The following PDE11A variants were observed in gnomAD, a reference collection of about 807,000 sequenced individuals.
The protein encoded by PDE11A is dual 3',5'-cyclic-AMP and -GMP phosphodiesterase 11A.
Under a neutral mutation model 100.5 loss-of-function variants are expected in PDE11A, and 100 were observed. That is an observed-to-expected ratio of 1.00 (90% CI 0.85 to 1.18). PDE11A has a LOEUF of 1.18. Ranked by LOEUF, PDE11A falls within the 50% of genes most tolerant of loss-of-function variation. The pLI, the probability that PDE11A is intolerant of heterozygous loss-of-function variation, is 0.00. For missense variants in PDE11A, 1,141 were observed against 1,152.6 expected (o/e 0.99, Z 0.15); for synonymous variants, 381 against 420.8 (o/e 0.91, Z 1.16).
At chr2:177,961,869 T>C (rs2085637603) in intron 2 of PDE11A, among the ~76,000 whole-genome samples, 1 of 151,892 alleles carries the variant, frequency 6.6e-6, no homozygotes, top group South Asian at 2.1e-4. Flanking sequence ...AAGACCAGCC[T>C]GGCCAAATGA....
chr2:177,701,507 A>C (rs552903330), intron 13 of PDE11A, among the ~76,000 whole-genome samples: 1 of 152,324 alleles, frequency 6.6e-6, no homozygotes, highest in East Asian at 1.9e-4. Flanking sequence ...AAGAAAGATG[A>C]GATGAGATAA....
rs539849333 is a variant in PDE11A, at chr2:177,675,519, C to G, written c.2424-1G>C. 464 of 1,612,860 alleles carry G rather than the reference C, an allele frequency of 2.9e-4. 11 individuals carry two copies. In the South Asian group the frequency reaches 4.9e-3, roughly 17 times the overall value. ...GTCACAGGCTGTCATTAACATTGAT[C>G]TGAAAAACAGAACCAAACAAAACAG... On this transcript the variant is annotated splice_acceptor_variant, in intron 16 of 19. Coordinates refer to ENST00000286063, the MANE Select transcript of PDE11A (RefSeq NM_016953.4). LOFTEE classifies it high-confidence loss of function.
intron 2 of PDE11A, among the ~76,000 whole-genome samples, chr2:177,934,166 A>T (rs150614909): frequency 6.6e-6 from 1 of 152,224 alleles, no homozygotes; most frequent in African/African-American, 2.4e-5. Flanking sequence ...GAGCTTCTGC[A>T]CAACAAAAGA....
chr2:177,675,454 C>A lies in PDE11A; in HGVS notation c.2487+1G>T, dbSNP rs773045739. On this transcript the variant is annotated splice_donor_variant, in intron 17 of 19. Transcript: ENST00000286063. LOFTEE classifies it high-confidence loss of function. ...GAGCCCTGCCATTAATCACCACTTG[C>A]CTGTCTGGAGATCTCCCACGGTTTG... The A allele has an allele frequency of 6.2e-7, 1 of 1,610,204 alleles. No individual in the cohort carries two copies. The highest frequency in any genetic ancestry group is 1.1e-5 in the South Asian group (1 of 91,006).
At chr2:177,788,974 G>C (rs977402470) in intron 9 of PDE11A, among the ~76,000 whole-genome samples, 3 of 152,178 alleles carry the variant, frequency 2.0e-5, no homozygotes, top group Admixed American at 2.0e-4. Context: ...GGAGGAACTG[G>C]TACCATTCCC....
At chr2:177,718,304 C>A (rs2081473633) in intron 12 of PDE11A, among the ~76,000 whole-genome samples, 1 of 152,176 alleles carries the variant, frequency 6.6e-6, no homozygotes. Context: ...GGGATAAAAG[C>A]CCAGGTAGCC....
At chr2:177,789,021 T>C (rs556215147) in intron 9 of PDE11A, among the ~76,000 whole-genome samples, 2 of 152,124 alleles carry the variant, frequency 1.3e-5, no homozygotes, top group African/African-American at 2.4e-5. Flanking sequence ...AAGAGGGAAT[T>C]CTCCCTAACT....
In PDE11A at chr2:178,097,840, G is replaced by A. The variant is rs142344036; in HGVS notation, c.162+6462C>T. Among the ~76,000 whole-genome samples the A allele has an allele frequency of 6.6e-4, 100 of 152,228 alleles. 2 individuals carry two copies. In the South Asian group the frequency reaches 0.015, roughly 23 times the overall value. On this transcript the variant is annotated intron_variant, in intron 2 of 20. Coordinates refer to the PDE11A transcript ENST00000358450. The stretch of plus-strand genomic sequence containing the variant: ...AAGGAGATACAAGATCTGCACAACC[G>A]GTGGCCCAAGTAAGATTTTTAAAAA...
At chr2:177,962,703 C>G (rs1464396113) in intron 2 of PDE11A, among the ~76,000 whole-genome samples, 1 of 151,990 alleles carries the variant, frequency 6.6e-6, no homozygotes, top group African/African-American at 2.4e-5. Flanking sequence ...AGAGTAGAGG[C>G]CATTTGAACA....
At chr2:177,738,708 G>C (rs924143430) in intron 10 of PDE11A, among the ~76,000 whole-genome samples, 2 of 152,198 alleles carry the variant, frequency 1.3e-5, no homozygotes, top group African/African-American at 4.8e-5. Context: ...TCACCAGAGA[G>C]AGGGAGGGCA....
intron 2 of PDE11A, chr2:178,011,785 GAGTA>G (rs1396431947): frequency 6.6e-6 from 1 of 152,104 alleles, no homozygotes; most frequent in Admixed American, 6.5e-5. Context: ...ACAGCCCTGT[GAGTA>G]AGTGTTACTA....
At position 178,051,686 on chromosome 2, in the gene PDE11A, C is replaced by T. The variant is rs148889856; in HGVS notation, c.912+19840G>A. 2.8e-3 allele frequency among the ~76,000 whole-genome samples: 423 copies of T among 151,200 alleles called. 7 individuals carry two copies. The highest frequency in any genetic ancestry group is 9.9e-3 in the African/African-American group (411 of 41,314). ...GATCTACCAAGCAAATGGAAAACAA[C>T]GACAAAAAAAAGCAGGGGTTGCAAT... On this transcript the variant is annotated intron_variant, in intron 1 of 19. Coordinates refer to ENST00000286063, the MANE Select transcript of PDE11A (RefSeq NM_016953.4).
At chr2:177,878,526 A>G (rs2084277571) in intron 4 of PDE11A, among the ~76,000 whole-genome samples, 1 of 152,140 alleles carries the variant, frequency 6.6e-6, no homozygotes, top group South Asian at 2.1e-4. Flanking sequence ...AGGGAGCCAA[A>G]CCACATAGAG....
intron 2 of PDE11A, chr2:177,998,840 T>G: frequency 1.6e-6 from 1 of 631,804 alleles, no homozygotes; most frequent in South Asian, 1.9e-5. Flanking sequence ...ACCTCAGCAC[T>G]TCTCCAAGCC....
rs552373808 is a variant in PDE11A, at chr2:177,786,551, G to A, written c.1738-17178C>T. Among the ~76,000 whole-genome samples, 8 of 152,330 alleles carry A rather than the reference G, an allele frequency of 5.3e-5. No homozygotes were observed. The South Asian group carries it at 6.2e-4, about 12-fold the overall frequency. On this transcript the variant is annotated intron_variant, in intron 9 of 19. Transcript: ENST00000286063. ...AAGCTGGACGGAGAATGACTTTGAC[G>A]AGTTGAGAGAAGAAGGCTTCAGACG...
At chr2:177,855,484 CT>C (rs2083815661) in intron 5 of PDE11A, among the ~76,000 whole-genome samples, 2 of 152,002 alleles carry the variant, frequency 1.3e-5, no homozygotes, top group African/African-American at 4.8e-5. Context: ...AGATCTATGG[CT>C]TTTTAATTTA....
At chr2:178,079,033 AT>A (rs2087250383) in intron 2 of PDE11A, among the ~76,000 whole-genome samples, 1 of 152,232 alleles carries the variant, frequency 6.6e-6, no homozygotes, top group Admixed American at 6.5e-5. Flanking sequence ...GCAATATGAT[AT>A]TCTTTATATT....
chr2:178,068,950 A>G (rs2087088026), intron 1 of PDE11A, among the ~76,000 whole-genome samples: 1 of 152,224 alleles, frequency 6.6e-6, no homozygotes. Flanking sequence ...TGTTCCTTGA[A>G]TGTAAACCTG....
At chr2:177,644,451 A>C (rs2080190689) in intron 19 of PDE11A, among the ~76,000 whole-genome samples, 1 of 152,206 alleles carries the variant, frequency 6.6e-6, no homozygotes. Context: ...TGTTTTGGCC[A>C]ATTTCTCCCA....
Sources: gnomAD v4.1 joint callset for allele counts (sites outside exome capture counted in the v4.1 genomes callset) on GRCh38, gnomAD v4.1.1 for gene constraint, MANE v1.5 for transcripts, NCBI Gene and HGNC (gene_info 2026-07-23, HGNC 2026-07-21) for gene names.